CTNNA3: variants seen among roughly 807,000 people sequenced by gnomAD.
CTNNA3 encodes catenin alpha 3.
Under a neutral mutation model 95.7 loss-of-function variants are expected in CTNNA3, and 76 were observed. The observed-to-expected ratio is 0.79, with a 90% CI of 0.66 to 0.96. The LOEUF is 0.96. Among genes scored for constraint, CTNNA3 ranks in the 40% least tolerant of loss-of-function variants. CTNNA3 has a pLI of 0.00. For synonymous variants in CTNNA3, 431 were observed against 374.4 expected (o/e 1.15, Z -1.74); for missense variants, 1,191 against 1,089.8 (o/e 1.09, Z -1.31).
intron 7 of CTNNA3, among the ~76,000 whole-genome samples, chr10:67,152,490 A>G (rs553104023): frequency 1.1e-3 from 167 of 152,348 alleles, no homozygotes; most frequent in African/African-American, 3.9e-3. Context: ...GATTTATTTC[A>G]TAATGCAATT....
intron 5 of CTNNA3, among the ~76,000 whole-genome samples, chr10:67,415,661 A>G (rs1326721191): frequency 6.6e-6 from 1 of 152,228 alleles, no homozygotes; most frequent in Non-Finnish European, 1.5e-5. Flanking sequence ...AAATTCATAT[A>G]GAACGACAAA....
chr10:66,553,126 T>C (rs1842271654), intron 10 of CTNNA3, among the ~76,000 whole-genome samples: 1 of 152,116 alleles, frequency 6.6e-6, no homozygotes, highest in African/African-American at 2.4e-5. Context: ...AATATTTGCA[T>C]GGTATATATT....
At chr10:67,106,256 C>T (rs1026338082) in intron 7 of CTNNA3, among the ~76,000 whole-genome samples, 5 of 152,108 alleles carry the variant, frequency 3.3e-5, no homozygotes, top group African/African-American at 1.2e-4. Context: ...TAGTTTGGGG[C>T]CACTTCTTTT....
intron 9 of CTNNA3, among the ~76,000 whole-genome samples, chr10:66,719,635 C>T (rs1413665147): frequency 6.6e-6 from 1 of 152,136 alleles, no homozygotes; most frequent in African/African-American, 2.4e-5. Flanking sequence ...GAAGCACGAT[C>T]ATCTCAGAAT....
intron 7 of CTNNA3, among the ~76,000 whole-genome samples, chr10:67,139,775 G>A (rs938098901): frequency 2.6e-5 from 4 of 152,060 alleles, no homozygotes; most frequent in Admixed American, 2.0e-4. Context: ...ATTGAAATAA[G>A]GCTATAAATA....
chr10:66,492,709 G>A (rs4130918), intron 11 of CTNNA3, among the ~76,000 whole-genome samples: 51,401 of 151,974 alleles, frequency 0.34, 10,223 homozygotes, highest in Non-Finnish European at 0.43. Context: ...ACATCTTCCA[G>A]TTCTCTCAGA....
intron 10 of CTNNA3, among the ~76,000 whole-genome samples, chr10:66,597,511 CATATATATATAT>C (rs369390875): frequency 0.045 from 3,218 of 70,960 alleles, 96 homozygotes; most frequent in Admixed American, 0.092. Context: ...TTATTTCATA[CATATATATATAT>C]ATATATATAT....
At chr10:67,573,977 A>G (rs766901633) in intron 3 of CTNNA3, among the ~76,000 whole-genome samples, 3 of 152,200 alleles carry the variant, frequency 2.0e-5, no homozygotes, top group Non-Finnish European at 2.9e-5. Context: ...AAGAGAGTAC[A>G]TGTGGAATGG....
At chr10:67,106,184 A>G (rs1858625631) in intron 7 of CTNNA3, among the ~76,000 whole-genome samples, 1 of 152,186 alleles carries the variant, frequency 6.6e-6, no homozygotes, top group South Asian at 2.1e-4. Flanking sequence ...GTACTACCAC[A>G]GGGGTACTGG....
intron 5 of CTNNA3, among the ~76,000 whole-genome samples, chr10:67,449,787 A>G (rs1846898766): frequency 6.6e-6 from 1 of 152,208 alleles, no homozygotes; most frequent in African/African-American, 2.4e-5. Flanking sequence ...AGCAATCAGG[A>G]CAAAAGCAAA....
chr10:67,095,948 A>T (rs1857964507), intron 7 of CTNNA3, among the ~76,000 whole-genome samples: 1 of 151,842 alleles, frequency 6.6e-6, no homozygotes, highest in South Asian at 2.1e-4. Flanking sequence ...GAAGTATCCT[A>T]TTTTATTCTT....
At chr10:66,404,892 T>C (rs2093045698) in intron 11 of CTNNA3, among the ~76,000 whole-genome samples, 1 of 152,112 alleles carries the variant, frequency 6.6e-6, no homozygotes, top group African/African-American at 2.4e-5. Flanking sequence ...ACCCCTGCTT[T>C]AGATCCATGA....
chr10:66,392,487 A>G (rs1217373258), intron 11 of CTNNA3, among the ~76,000 whole-genome samples: 2 of 152,038 alleles, frequency 1.3e-5, no homozygotes, highest in Non-Finnish European at 2.9e-5. Flanking sequence ...ACATTTGCAA[A>G]ACACCTATCT....
chr10:66,331,734 GT>G (rs1312558375), intron 12 of CTNNA3, among the ~76,000 whole-genome samples: 1 of 151,890 alleles, frequency 6.6e-6, no homozygotes, highest in Non-Finnish European at 1.5e-5. Context: ...GTCAGGTAGC[GT>G]GATGCCTCTG....
chr10:67,022,775 A>C (rs1341571097), intron 7 of CTNNA3, among the ~76,000 whole-genome samples: 2 of 151,978 alleles, frequency 1.3e-5, no homozygotes, highest in Non-Finnish European at 2.9e-5. Flanking sequence ...GTCTCTGCTA[A>C]AAATACAAAA....
chr10:66,661,886 G>T (rs1377394187), intron 9 of CTNNA3, among the ~76,000 whole-genome samples: 3 of 152,166 alleles, frequency 2.0e-5, no homozygotes, highest in African/African-American at 7.2e-5. Flanking sequence ...TAGTGAAAAT[G>T]TTAAACAGTC....
intron 7 of CTNNA3, among the ~76,000 whole-genome samples, chr10:66,950,676 C>T (rs1848493144): frequency 2.6e-5 from 4 of 152,092 alleles, no homozygotes; most frequent in African/African-American, 9.7e-5. Context: ...AAAGCATCAT[C>T]CTATGAAGTA....
At chr10:66,905,596 A>G (rs745494250) in intron 7 of CTNNA3, among the ~76,000 whole-genome samples, 5 of 152,186 alleles carry the variant, frequency 3.3e-5, no homozygotes, top group Non-Finnish European at 7.4e-5. Context: ...CGTAATAGTC[A>G]AGATATAACA....
At chr10:67,434,292 A>G (rs1846222684) in intron 5 of CTNNA3, among the ~76,000 whole-genome samples, 1 of 151,982 alleles carries the variant, frequency 6.6e-6, no homozygotes, top group Non-Finnish European at 1.5e-5. Flanking sequence ...GTTGGCAATA[A>G]TAGTATCTAT....
Sources: gnomAD v4.1 joint callset for allele counts (sites outside exome capture counted in the v4.1 genomes callset) on GRCh38, gnomAD v4.1.1 for gene constraint, MANE v1.5 for transcripts, NCBI Gene and HGNC (gene_info 2026-07-23, HGNC 2026-07-21) for gene names.